The following ZNF273 variants were observed in gnomAD, a reference collection of about 807,000 sequenced individuals.
ZNF273 encodes zinc finger protein 9.
In ZNF273, 11 loss-of-function variants were observed where a neutral mutation model predicts 14.9. The ratio of observed to expected loss-of-function variants is 0.74; its 90% CI spans 0.46 to 1.22. The LOEUF (loss-of-function observed/expected upper bound fraction) is 1.22. Among genes scored for constraint, ZNF273 ranks in the 50% most tolerant of loss-of-function variants. ZNF273 has a pLI of 0.00. For missense variants in ZNF273, 577 were observed against 660.6 expected (o/e 0.87, Z 1.39); for synonymous variants, 199 against 223.9 (o/e 0.89, Z 0.99).
chr7:64,890,301 G>A (rs1440838997), downstream of ZNF273, among the ~76,000 whole-genome samples: 1 of 151,728 alleles, frequency 6.6e-6, no homozygotes, highest in Non-Finnish European at 1.5e-5. Context: ...CAGCATCCCT[G>A]CAGAGGAGCA....
At chr7:64,911,451 CAG>C (rs1793505282) in intron 1 of ZNF273, among the ~76,000 whole-genome samples, 2 of 151,888 alleles carry the variant, frequency 1.3e-5, no homozygotes, top group East Asian at 3.9e-4. Flanking sequence ...TTAGTGGAGA[CAG>C]GGTTTCTCCA....
intron 3 of ZNF273, among the ~76,000 whole-genome samples, chr7:64,922,434 T>G (rs1199522349): frequency 6.6e-6 from 1 of 151,982 alleles, no homozygotes; most frequent in African/African-American, 2.4e-5. Context: ...GTTCAAGTGA[T>G]TCTCCTTCCT....
intron 1 of ZNF273, among the ~76,000 whole-genome samples, chr7:64,908,461 T>C (rs555230619): frequency 6.6e-6 from 1 of 152,260 alleles, no homozygotes; most frequent in East Asian, 1.9e-4. Flanking sequence ...CCATGTGTTT[T>C]TGTTTGTTTG....
intron 1 of ZNF273, among the ~76,000 whole-genome samples, chr7:64,884,793 C>CGA (rs1168577833): frequency 6.6e-6 from 1 of 152,250 alleles, no homozygotes; most frequent in Non-Finnish European, 1.5e-5. Flanking sequence ...GCCCACCTCA[C>CGA]ATTCTCGAAT....
chr7:64,880,653 A>G (rs766818044), downstream of ZNF273, among the ~76,000 whole-genome samples: 2 of 151,660 alleles, frequency 1.3e-5, no homozygotes, highest in Non-Finnish European at 2.9e-5. Flanking sequence ...CGTGTCCTTT[A>G]CTTTTTCTGT....
At chr7:64,912,068 TG>T (rs1303499876) in intron 1 of ZNF273, among the ~76,000 whole-genome samples, 1 of 152,222 alleles carries the variant, frequency 6.6e-6, no homozygotes, top group Non-Finnish European at 1.5e-5. Flanking sequence ...AAGCGATTTT[TG>T]TGCCTCAGCC....
At chr7:64,901,650 A>G (rs1792721048), upstream of ZNF273, among the ~76,000 whole-genome samples, 1 of 152,144 alleles carries the variant, frequency 6.6e-6, no homozygotes, top group Admixed American at 6.5e-5. Context: ...TTTCTCTGCC[A>G]TGGGATCCTC....
downstream of ZNF273, among the ~76,000 whole-genome samples, chr7:64,890,950 A>G (rs1791991972): frequency 1.3e-5 from 2 of 152,182 alleles, no homozygotes; most frequent in African/African-American, 4.8e-5. Context: ...CTCAGGGTAG[A>G]TATGAAAACC....
At chr7:64,924,637 G>A (rs948891074) in intron 3 of ZNF273, among the ~76,000 whole-genome samples, 6 of 152,010 alleles carry the variant, frequency 3.9e-5, no homozygotes, top group Non-Finnish European at 8.8e-5. Flanking sequence ...TATAAAATAC[G>A]ACAGTTACTT....
intron 1 of ZNF273, among the ~76,000 whole-genome samples, chr7:64,916,763 G>GGTATACCTAT (rs1794029743): frequency 6.6e-6 from 1 of 151,900 alleles, no homozygotes. Context: ...TGATTCACTT[G>GGTATACCTAT]GTATACCTAT....
chr7:64,907,734 G>T (rs9638403), intron 1 of ZNF273, among the ~76,000 whole-genome samples: 1 of 151,938 alleles, frequency 6.6e-6, no homozygotes, highest in African/African-American at 2.4e-5. Context: ...TATCACAGAA[G>T]CCTGGCCTGG....
Position 64,927,660 on chromosome 7 carries a change from G to T in ZNF273, c.332G>T (p.Cys111Phe). The change falls in exon 4 of 4, where the codon TGT becomes TTT. Residue 111 changes from cysteine to phenylalanine, a missense_variant. Physicochemically the swap from Cys to Phe is radical, Grantham distance 205. Coordinates refer to ENST00000476120, the MANE Select transcript of ZNF273 (RefSeq NM_021148.3). ...HAMVAKPPVV[C>F]SHFAQDLWPK... The stretch of plus-strand genomic sequence containing the variant: ...TTACTTTTATTTCTTTCAGTTGTGT[G>T]TTCTCATTTTGCCCAAGACCTTTGG... The T allele has an allele frequency of 2.6e-6, 4 of 1,564,134 alleles. No individual in the cohort carries two copies. In the South Asian group the frequency reaches 3.7e-5, roughly 14 times the overall value.
chr7:64,904,261 C>T (rs4718164), intron 1 of ZNF273, among the ~76,000 whole-genome samples: 138,856 of 152,158 alleles, frequency 0.91, 63,618 homozygotes, highest in South Asian at 0.97. Flanking sequence ...GCTAACTTTT[C>T]TGTATTTTAG....
chr7:64,901,008 T>TTATTTA (rs76855048), upstream of ZNF273, among the ~76,000 whole-genome samples: 5,703 of 147,896 alleles, frequency 0.039, 166 homozygotes, highest in East Asian at 0.14. Context: ...CTTTATTTAT[T>TTATTTA]TTTTTTTTTT....
At chr7:64,889,121 G>A (rs1181059010), downstream of ZNF273, 1 of 985,842 alleles carries the variant, frequency 1.0e-6, no homozygotes. This position sits in a 1 kb window ranked among gnomAD's most constrained non-coding sequence, Gnocchi z 4.2. Flanking sequence ...GCCAAGCAGG[G>A]ATCCGGGCCT....
At chr7:64,907,322 C>T (rs1351959750) in intron 1 of ZNF273, among the ~76,000 whole-genome samples, 2 of 152,172 alleles carry the variant, frequency 1.3e-5, no homozygotes, top group African/African-American at 4.8e-5. Context: ...TTATTAATCA[C>T]AGCTATTTAC....
At chr7:64,915,816 C>T (rs1793935870) in intron 1 of ZNF273, among the ~76,000 whole-genome samples, 1 of 152,162 alleles carries the variant, frequency 6.6e-6, no homozygotes, top group Admixed American at 6.5e-5. Flanking sequence ...CATTTGTGTT[C>T]TCCATTAGCT....
intron 1 of ZNF273, among the ~76,000 whole-genome samples, chr7:64,913,614 A>G (rs956119304): frequency 6.6e-6 from 1 of 151,586 alleles, no homozygotes; most frequent in African/African-American, 2.4e-5. Flanking sequence ...GTGGAGATGG[A>G]TTGTCTTCAC....
chr7:64,931,512 T>C (rs1215123519), downstream of ZNF273, among the ~76,000 whole-genome samples: 1 of 152,214 alleles, frequency 6.6e-6, no homozygotes, highest in African/African-American at 2.4e-5. Context: ...ATTTTACTAT[T>C]AGTCTATTAA....
Sources: gnomAD v4.1 joint callset for allele counts (sites outside exome capture counted in the v4.1 genomes callset) on GRCh38, gnomAD v4.1.1 for gene constraint, Gnocchi (gnomAD v3.1) non-coding constraint, MANE v1.5 for transcripts, NCBI Gene and HGNC (gene_info 2026-07-23, HGNC 2026-07-21) for gene names.